The following TCF4 variants were observed in gnomAD, a reference collection of about 807,000 sequenced individuals.
The protein encoded by TCF4 is SL3-3 enhancer factor 2.
Under a neutral mutation model 82.1 loss-of-function variants are expected in TCF4, and 3 were observed. That is an observed-to-expected ratio of 0.04 (90% CI 0.02 to 0.09). TCF4 has a LOEUF of 0.09. Among genes scored for constraint, TCF4 ranks in the 10% least tolerant of loss-of-function variants. The pLI is 1.00. For synonymous variants in TCF4, 276 were observed against 309.6 expected (o/e 0.89, Z 1.14); for missense variants, 518 against 852.7 (o/e 0.61, Z 4.89).
chr18:55,420,669 T>C (rs1259880391), intron 5 of TCF4, among the ~76,000 whole-genome samples: 1 of 152,158 alleles, frequency 6.6e-6, no homozygotes, highest in Non-Finnish European at 1.5e-5. Context: ...TCAAAGCCAG[T>C]GGAACGTTCA....
intron 5 of TCF4, among the ~76,000 whole-genome samples, chr18:55,417,439 A>T (rs73477253): frequency 6.6e-6 from 1 of 152,230 alleles, no homozygotes; most frequent in African/African-American, 2.4e-5. Context: ...AACTGATAGA[A>T]CATTAAGTAA....
intron 5 of TCF4, among the ~76,000 whole-genome samples, chr18:55,425,715 A>G (rs933552177): frequency 6.6e-6 from 1 of 152,224 alleles, no homozygotes; most frequent in Non-Finnish European, 1.5e-5. Context: ...TTAAATTTCC[A>G]AAAGCAGAGC....
Position 55,224,997 on chromosome 18 carries a change from G to C in TCF4, c.*3038C>G, listed in dbSNP as rs2046406057. The C allele has an allele frequency of 6.6e-6, 1 of 152,098 alleles. No individual in the cohort carries two copies. Among genetic ancestry groups the C allele is most frequent in the Non-Finnish European group, 1.5e-5 (1 of 67,984 alleles). The allele number at this position is 152,098 out of a possible 1,614,324, so 9.4% of individuals were successfully genotyped here. A position where few individuals can be genotyped will look rare whatever the true frequency, so the allele number is the denominator to read the frequency against. ...CTGCTGAACTTCATTTGAAAATCCA[G>C]TGCAGGATACCAATATCTTACCTGG... On this transcript the variant is annotated 3_prime_UTR_variant, in exon 20 of 20. Transcript: ENST00000354452.
At chr18:55,415,338 G>A (rs1409780942) in intron 5 of TCF4, among the ~76,000 whole-genome samples, 2 of 151,920 alleles carry the variant, frequency 1.3e-5, no homozygotes, top group African/African-American at 4.8e-5. Context: ...TATAATCATG[G>A]TAAATATCTG....
intron 15 of TCF4, among the ~76,000 whole-genome samples, chr18:55,235,150 T>C (rs980743530): frequency 1.3e-5 from 2 of 152,068 alleles, no homozygotes; most frequent in South Asian, 2.1e-4. Flanking sequence ...TTTTTTTTTT[T>C]CCATAATGCC....
intron 2 of TCF4, chr18:55,585,831 G>A (rs769189981): frequency 2.0e-5 from 23 of 1,133,398 alleles, no homozygotes; most frequent in South Asian, 5.3e-5. Context: ...TTCTCATTTC[G>A]TCTCTAACAG....
intron 11 of TCF4, chr18:55,268,268 G>C (rs2145914443): frequency 6.6e-6 from 1 of 152,226 alleles, no homozygotes; most frequent in East Asian, 1.9e-4. Flanking sequence ...CTTGTAAAAG[G>C]ATGAATGACC....
At chr18:55,375,335 C>T (rs749464962) in intron 6 of TCF4, among the ~76,000 whole-genome samples, 61 of 152,216 alleles carry the variant, frequency 4.0e-4, no homozygotes, top group Middle Eastern at 3.4e-3. Context: ...TATATTTCTA[C>T]TATATACATA....
rs529019661 is a variant in TCF4, at chr18:55,321,990, T to C, written c.549+28369A>G. The C allele has an allele frequency of 5.5e-5, 69 of 1,252,682 alleles. No individual in the cohort carries two copies. The East Asian group carries it at 1.8e-3, about 33-fold the overall frequency. 77.6% of individuals were successfully genotyped at this position (1,252,682 alleles called of 1,614,324 possible). The stretch of plus-strand genomic sequence containing the variant: ...TGATGGAGCTCGAAATCCTAATGCA[T>C]ACGCGAGATCGATTCAACTTTTCCG... On this transcript the variant is annotated intron_variant, in intron 8 of 19. Coordinates refer to ENST00000354452, the MANE Select transcript of TCF4 (RefSeq NM_001083962.2).
intron 5 of TCF4, among the ~76,000 whole-genome samples, chr18:55,445,483 C>A (rs2144110134): frequency 6.6e-6 from 1 of 152,264 alleles, no homozygotes; most frequent in African/African-American, 2.4e-5. Flanking sequence ...ATAGCATGTG[C>A]AGGCGAACTG....
At position 55,607,979 on chromosome 18, in the gene TCF4, G is replaced by C. The variant is rs536732254; in HGVS notation, c.287-20843C>G. ...ACTCCTAACACCTGTGAACAAATGT[G>C]CTTTGCCCTGCTAATGCTGATAAAA... On this transcript the variant is annotated intron_variant, in intron 2 of 20. Coordinates refer to the TCF4 transcript ENST00000398339. Among the ~76,000 whole-genome samples, 103 of 152,258 alleles carry C rather than the reference G, an allele frequency of 6.8e-4. 1 individual carries two copies. In the South Asian group the frequency reaches 0.021, roughly 31 times the overall value.
intron 2 of TCF4, among the ~76,000 whole-genome samples, chr18:55,617,474 C>T (rs540699264): frequency 6.6e-6 from 1 of 151,894 alleles, no homozygotes; most frequent in African/African-American, 2.4e-5. Flanking sequence ...AAAGAAAATG[C>T]CATTGGAATT....
At chr18:55,333,577 T>G (rs1236494567) in intron 8 of TCF4, among the ~76,000 whole-genome samples, 1 of 152,170 alleles carries the variant, frequency 6.6e-6, no homozygotes, top group East Asian at 1.9e-4. Flanking sequence ...GTCCAAAGAC[T>G]GACATTTAAA....
chr18:55,481,632 T>G (rs2096434470), intron 3 of TCF4, among the ~76,000 whole-genome samples: 1 of 152,212 alleles, frequency 6.6e-6, no homozygotes, highest in Non-Finnish European at 1.5e-5. Context: ...ACATCTAAAT[T>G]CAGGCAGTAC....
chr18:55,461,757 AAAC>A (rs2095871556), intron 4 of TCF4, among the ~76,000 whole-genome samples: 1 of 152,198 alleles, frequency 6.6e-6, no homozygotes, highest in African/African-American at 2.4e-5. Flanking sequence ...ATGTCACAAA[AAAC>A]AACCAGTTGT....
intron 5 of TCF4, among the ~76,000 whole-genome samples, chr18:55,442,286 G>A (rs964086408): frequency 1.3e-5 from 2 of 152,178 alleles, no homozygotes; most frequent in Non-Finnish European, 2.9e-5. Flanking sequence ...TAAAAAGGCA[G>A]ATAGCTTTGC....
intron 3 of TCF4, among the ~76,000 whole-genome samples, chr18:55,521,077 A>G (rs1055038405): frequency 3.9e-5 from 6 of 152,162 alleles, no homozygotes; most frequent in African/African-American, 4.8e-5. Context: ...CCTATCAACC[A>G]GCATTGCTAC....
At chr18:55,463,194 T>C (rs1021217831) in intron 4 of TCF4, among the ~76,000 whole-genome samples, 1 of 152,188 alleles carries the variant, frequency 6.6e-6, no homozygotes, top group Non-Finnish European at 1.5e-5. Context: ...TCATAAAAAC[T>C]GACATGGATT....
intron 3 of TCF4, among the ~76,000 whole-genome samples, chr18:55,583,409 T>C (rs1383411331): frequency 6.6e-6 from 1 of 152,082 alleles, no homozygotes; most frequent in East Asian, 1.9e-4. Context: ...TGATATATCA[T>C]CACTTACCAA....
Sources: gnomAD v4.1 joint callset for allele counts (sites outside exome capture counted in the v4.1 genomes callset) on GRCh38, gnomAD v4.1.1 for gene constraint, MANE v1.5 for transcripts, NCBI Gene and HGNC (gene_info 2026-07-23, HGNC 2026-07-21) for gene names.